PAQR5: variants seen among roughly 807,000 people sequenced by gnomAD.
PAQR5 encodes the protein progestin and adipoQ receptor family member 5, also known as membrane progestin receptor gamma.
PAQR5 carries 20 observed loss-of-function variants against 34.5 expected under a neutral mutation model. The ratio of observed to expected loss-of-function variants is 0.58; its 90% CI spans 0.41 to 0.84. The LOEUF (loss-of-function observed/expected upper bound fraction) is 0.84, where lower values mean the gene tolerates loss of function less well. Among genes scored for constraint, PAQR5 ranks in the 40% least tolerant of loss-of-function variants. The pLI, the probability that PAQR5 is intolerant of heterozygous loss-of-function variation, is 0.00. For missense variants in PAQR5, 378 were observed against 412.7 expected (o/e 0.92, Z 0.73); for synonymous variants, 131 against 155.6 (o/e 0.84, Z 1.18).
intron 3 of PAQR5, among the ~76,000 whole-genome samples, chr15:69,378,848 A>G (rs1166674131): frequency 1.3e-5 from 2 of 152,130 alleles, no homozygotes; most frequent in African/African-American, 4.8e-5. Flanking sequence ...TGACAGTGTG[A>G]GCTAGTGGCA....
chr15:69,320,354 T>G (rs1210880511), intron 1 of PAQR5, among the ~76,000 whole-genome samples: 1 of 152,218 alleles, frequency 6.6e-6, no homozygotes, highest in Non-Finnish European at 1.5e-5. Context: ...CCCCTGACCC[T>G]TGGTGAGCTG....
At chr15:69,301,621 G>A (rs924538456) in intron 1 of PAQR5, among the ~76,000 whole-genome samples, 3 of 152,152 alleles carry the variant, frequency 2.0e-5, no homozygotes, top group African/African-American at 7.2e-5. Context: ...GACCCTGTGT[G>A]GTTTTAGGAG....
chr15:69,380,138 A>G, intron 4 of PAQR5, 128 bp downstream of exon 4: 1 of 995,232 alleles, frequency 1.0e-6, no homozygotes, highest in Non-Finnish European at 1.5e-6. Context: ...CCGTGGGTAC[A>G]CGCGGGTGAA....
At chr15:69,340,714 G>C (rs897867742) in intron 2 of PAQR5, among the ~76,000 whole-genome samples, 9 of 152,134 alleles carry the variant, frequency 5.9e-5, no homozygotes, top group Non-Finnish European at 1.2e-4. Flanking sequence ...TGTTCCCACT[G>C]TTCGTTAGAG....
chr15:69,316,442 A>G (rs1463534957), intron 1 of PAQR5, among the ~76,000 whole-genome samples: 1 of 152,254 alleles, frequency 6.6e-6, no homozygotes, highest in African/African-American at 2.4e-5. Context: ...GTGCTTAATA[A>G]TGCTACAATA....
chr15:69,304,877 C>T (rs950488642), intron 1 of PAQR5, among the ~76,000 whole-genome samples: 8 of 152,214 alleles, frequency 5.3e-5, no homozygotes, highest in Non-Finnish European at 8.8e-5. Flanking sequence ...CCAAATTCAG[C>T]CACTCCACTA....
intron 6 of PAQR5, among the ~76,000 whole-genome samples, chr15:69,392,384 G>C (rs577918611): frequency 3.9e-5 from 6 of 152,292 alleles, no homozygotes; most frequent in African/African-American, 1.4e-4. Flanking sequence ...TTATCTGTCA[G>C]GGCAGCTTTG....
At chr15:69,360,220 C>G (rs573447537) in intron 3 of PAQR5, 89 bp downstream of exon 3, 1 of 959,036 alleles carries the variant, frequency 1.0e-6, no homozygotes, top group East Asian at 2.4e-5. Context: ...TTCACCTAGT[C>G]TGTTCTGTAC....
At chr15:69,348,009 GTC>G (rs2054818518) in intron 2 of PAQR5, among the ~76,000 whole-genome samples, 1 of 152,108 alleles carries the variant, frequency 6.6e-6, no homozygotes. Flanking sequence ...AATCTCTTGA[GTC>G]TCTGCAGCCA....
chr15:69,370,586 C>A (rs1191425068), intron 3 of PAQR5, among the ~76,000 whole-genome samples: 1 of 152,174 alleles, frequency 6.6e-6, no homozygotes, highest in Non-Finnish European at 1.5e-5. Context: ...ATGGCGCGAT[C>A]TTGGCTCACT....
rs59064870 is a variant in PAQR5, at chr15:69,382,659, CATATATAT to C, written c.180-1979_180-1972del. The stretch of plus-strand genomic sequence containing the variant: ...ACTCTGTCTCAAAAAAAAAAAAAAG[CATATATAT>C]ATATATATATATATATATATATATA... On this transcript the variant is annotated intron_variant, in intron 4 of 8. Transcript: ENST00000395407. 6.9e-3 allele frequency among the ~76,000 whole-genome samples: 627 copies of C among 91,196 alleles called. 15 individuals carry two copies. Among genetic ancestry groups the C allele is most frequent in the African/African-American group, 0.01 (208 of 20,396 alleles). 59.8% of individuals were successfully genotyped at this position (91,196 alleles called of 152,430 possible).
At chr15:69,314,207 GA>G (rs916040969) in intron 1 of PAQR5, among the ~76,000 whole-genome samples, 303 of 145,560 alleles carry the variant, frequency 2.1e-3, no homozygotes, top group East Asian at 0.014. Context: ...ATTGTAAGTG[GA>G]AAAAAAAAAA....
intron 2 of PAQR5, among the ~76,000 whole-genome samples, chr15:69,355,801 A>G (rs927299716): frequency 2.1e-4 from 32 of 152,162 alleles, no homozygotes; most frequent in African/African-American, 4.8e-4. Context: ...CTGTGAAATG[A>G]AGGAATAGAA....
intron 1 of PAQR5, among the ~76,000 whole-genome samples, chr15:69,309,139 C>G (rs889303648): frequency 1.3e-5 from 2 of 152,054 alleles, no homozygotes; most frequent in Non-Finnish European, 2.9e-5. Flanking sequence ...ATGAGAGAAG[C>G]CATGGGGTGG....
chr15:69,316,146 C>A (rs915022858), intron 1 of PAQR5, among the ~76,000 whole-genome samples: 3 of 152,030 alleles, frequency 2.0e-5, no homozygotes, highest in African/African-American at 7.2e-5. Flanking sequence ...AATGGTGTGA[C>A]CTTGGCTCAC....
chr15:69,306,042 G>A lies in PAQR5; in HGVS notation c.-277+6986G>A, dbSNP rs558039728. 2.4e-3 allele frequency among the ~76,000 whole-genome samples: 359 copies of A among 152,286 alleles called. 2 individuals are homozygous for A. Among genetic ancestry groups the A allele is most frequent in the Admixed American group, 3.5e-3 (54 of 15,294 alleles). Reference sequence around the variant, plus strand: ...GGACTGTGGGCTAGATGTGGGGCAGGAGAAGGGAATGAGATATAGTGCCTG... The same window carrying A: ...GGACTGTGGGCTAGATGTGGGGCAGAAGAAGGGAATGAGATATAGTGCCTG... On this transcript the variant is annotated intron_variant, in intron 1 of 8. Coordinates refer to ENST00000395407, the MANE Select transcript of PAQR5 (RefSeq NM_017705.4).
chr15:69,387,573 C>G (rs2056146990), intron 5 of PAQR5, among the ~76,000 whole-genome samples: 1 of 152,236 alleles, frequency 6.6e-6, no homozygotes, highest in Admixed American at 6.5e-5. Flanking sequence ...ACCGTGGCAG[C>G]AGTCCCTGAG....
In PAQR5 at chr15:69,322,739, A is replaced by G. The variant is rs763745141; in HGVS notation, c.-276-14602A>G. Among the ~76,000 whole-genome samples, 91 of 30,974 alleles carry G rather than the reference A, an allele frequency of 2.9e-3. 1 individual carries two copies. The highest frequency in any genetic ancestry group is 4.0e-3 in the South Asian group (3 of 744). The allele number at this position is 30,974 out of a possible 152,430, so 20.3% of individuals were successfully genotyped here. On this transcript the variant is annotated intron_variant, in intron 1 of 8. Coordinates refer to ENST00000395407, the MANE Select transcript of PAQR5 (RefSeq NM_017705.4). Reference sequence around the variant, plus strand: ...AAGAAGAAGAAGAAGAAGAAGAAGAAGAAGAAGAAGAAGAAGAAGAAGAAG... The same window carrying G: ...AAGAAGAAGAAGAAGAAGAAGAAGAGGAAGAAGAAGAAGAAGAAGAAGAAG...
intron 5 of PAQR5, among the ~76,000 whole-genome samples, chr15:69,388,650 G>A (rs1046171103): frequency 1.3e-5 from 2 of 152,234 alleles, no homozygotes; most frequent in Non-Finnish European, 1.5e-5. Flanking sequence ...GAAATCTCGC[G>A]GGCTGCCTGC....
Sources: gnomAD v4.1 joint callset for allele counts (sites outside exome capture counted in the v4.1 genomes callset) on GRCh38, gnomAD v4.1.1 for gene constraint, MANE v1.5 for transcripts, NCBI Gene and HGNC (gene_info 2026-07-23, HGNC 2026-07-21) for gene names.